Variants in CSGALNACT1 observed in about 807,000 individuals in gnomAD.
The protein encoded by CSGALNACT1 is beta4GalNAcT-1.
In CSGALNACT1, 52 loss-of-function variants were observed where a neutral mutation model predicts 51.0. The observed-to-expected ratio is 1.02, with a 90% CI of 0.82 to 1.29. The LOEUF (loss-of-function observed/expected upper bound fraction) is 1.29. CSGALNACT1 is among the 50% of genes most tolerant of loss of function. The pLI is 0.00. For missense variants in CSGALNACT1, 935 were observed against 679.2 expected (o/e 1.38, Z -4.19); for synonymous variants, 341 against 254.4 (o/e 1.34, Z -3.24).
At chr8:19,420,872 C>G (rs1438337914) in intron 6 of CSGALNACT1, among the ~76,000 whole-genome samples, 1 of 152,168 alleles carries the variant, frequency 6.6e-6, no homozygotes, top group Non-Finnish European at 1.5e-5. Flanking sequence ...GCATCCTGAG[C>G]CAACCGAATG....
chr8:19,406,972 G>A (rs536154071), intron 9 of CSGALNACT1, among the ~76,000 whole-genome samples: 3 of 152,324 alleles, frequency 2.0e-5, no homozygotes, highest in South Asian at 4.1e-4. Context: ...GCCTCCCAGA[G>A]TGCTGGGAAT....
chr8:19,657,012 G>A (rs932054451), intron 1 of CSGALNACT1, among the ~76,000 whole-genome samples: 20 of 147,574 alleles, frequency 1.4e-4, no homozygotes, highest in South Asian at 8.6e-4. Flanking sequence ...GCAGTGAGCC[G>A]AAATCATGCC....
chr8:19,583,139 A>T (rs2045932380), intron 3 of CSGALNACT1, among the ~76,000 whole-genome samples: 1 of 152,202 alleles, frequency 6.6e-6, no homozygotes, highest in Non-Finnish European at 1.5e-5. Context: ...ATATCCTCGT[A>T]TATTATGTAT....
At chr8:19,456,070 AT>A (rs1381602525) in intron 5 of CSGALNACT1, among the ~76,000 whole-genome samples, 1 of 152,220 alleles carries the variant, frequency 6.6e-6, no homozygotes, top group Non-Finnish European at 1.5e-5. Context: ...CTTTTAAAAC[AT>A]TAACTGGAAT....
chr8:19,708,195 A>G (rs962181203), intron 1 of CSGALNACT1, among the ~76,000 whole-genome samples: 13 of 152,172 alleles, frequency 8.5e-5, no homozygotes, highest in African/African-American at 3.1e-4. Flanking sequence ...TTTTATTTTG[A>G]CATTCTAATG....
chr8:19,704,783 C>T (rs1194199193), intron 1 of CSGALNACT1, among the ~76,000 whole-genome samples: 1 of 152,062 alleles, frequency 6.6e-6, no homozygotes, highest in African/African-American at 2.4e-5. Flanking sequence ...GAAAATCCTG[C>T]CATTTGTGAT....
chr8:19,455,058 G>A (rs1225492826), intron 5 of CSGALNACT1, among the ~76,000 whole-genome samples: 1 of 152,160 alleles, frequency 6.6e-6, no homozygotes, highest in Non-Finnish European at 1.5e-5. Context: ...GATATGCAAA[G>A]AAAATTGCCC....
At chr8:19,614,838 G>C (rs2052775246) in intron 1 of CSGALNACT1, among the ~76,000 whole-genome samples, 1 of 152,200 alleles carries the variant, frequency 6.6e-6, no homozygotes, top group South Asian at 2.1e-4. Context: ...TGCTGCCCTT[G>C]CTGGCCACTG....
chr8:19,470,262 G>GGC, intron 4 of CSGALNACT1, among the ~76,000 whole-genome samples: 1 of 152,268 alleles, frequency 6.6e-6, no homozygotes, highest in Admixed American at 6.5e-5. Flanking sequence ...AGGAGCTCAT[G>GGC]GCGCTAAGTC....
chr8:19,596,655 A>C (rs1269217626), intron 2 of CSGALNACT1, among the ~76,000 whole-genome samples: 1 of 152,082 alleles, frequency 6.6e-6, no homozygotes, highest in East Asian at 1.9e-4. Flanking sequence ...CTGTAAATAC[A>C]TTTTTTCATA....
At position 19,458,445 on chromosome 8, in the gene CSGALNACT1, G is replaced by C. The variant is rs376329108; in HGVS notation, c.832C>G (p.Gln278Glu). The C allele has an allele frequency of 4.0e-5, 64 of 1,614,018 alleles. No individual in the cohort carries two copies. The highest frequency in any genetic ancestry group is 4.7e-5 in the Non-Finnish European group (55 of 1,179,980). The change falls in exon 5 of 10, where the codon CAG becomes GAG. Residue 278 changes from glutamine to glutamate, a missense_variant. By Grantham distance (29) the Gln-to-Glu change is conservative. Coordinates refer to ENST00000454498, the Ensembl canonical transcript of CSGALNACT1. ...ACCAACCTGAAATTCTGCATGAACT[G>C]CCGGAACTTGTCCACCCTTTTTGCT... is the stretch of plus-strand genomic sequence containing the variant.
chr8:19,563,598 G>T (rs1236230485), intron 3 of CSGALNACT1, among the ~76,000 whole-genome samples: 1 of 152,168 alleles, frequency 6.6e-6, no homozygotes, highest in South Asian at 2.1e-4. Context: ...TCTTGAATAT[G>T]CCTGCTTCCT....
chr8:19,714,289 C>A (rs145243945), intron 1 of CSGALNACT1, among the ~76,000 whole-genome samples: 223 of 152,010 alleles, frequency 1.5e-3, no homozygotes, highest in African/African-American at 5.4e-3. Flanking sequence ...ATAATTTTGT[C>A]TTTCTCTTTT....
intron 1 of CSGALNACT1, among the ~76,000 whole-genome samples, chr8:19,693,358 C>A (rs1459657627): frequency 4.6e-5 from 7 of 152,086 alleles, no homozygotes; most frequent in Non-Finnish European, 1.0e-4. Context: ...CCTGTGGTAC[C>A]ACCATCCTCT....
At chr8:19,569,786 A>G (rs532649367) in intron 3 of CSGALNACT1, among the ~76,000 whole-genome samples, 10 of 152,226 alleles carry the variant, frequency 6.6e-5, no homozygotes, top group Non-Finnish European at 1.5e-4. Flanking sequence ...TTTATCCCTA[A>G]TAGTCCAAAA....
At chr8:19,640,573 C>T (rs1661058734) in intron 1 of CSGALNACT1, among the ~76,000 whole-genome samples, 1 of 152,172 alleles carries the variant, frequency 6.6e-6, no homozygotes, top group Non-Finnish European at 1.5e-5. Context: ...TTCTCCACTA[C>T]ATAAGAAAAT....
chr8:19,457,533 A>T lies in CSGALNACT1; in HGVS notation c.851+893T>A, dbSNP rs1265220377. 23 of 497,674 alleles carry T rather than the reference A, an allele frequency of 4.6e-5. No homozygotes were observed. The Admixed American group carries it at 5.5e-4, about 12-fold the overall frequency. The allele number at this position is 497,674 out of a possible 1,614,324, so 30.8% of individuals were successfully genotyped here. A position where few individuals can be genotyped will look rare whatever the true frequency, so the allele number is the denominator to read the frequency against. On this transcript the variant is annotated intron_variant, in intron 5 of 9. Transcript: ENST00000454498. ...GAAGCTGAGGCAGGAGAATTACCTG[A>T]ACCTGGGAGGTGAAGGTTGCAGTGA...
Position 19,510,588 on chromosome 8 carries a change from G to A in CSGALNACT1, c.-296-4458C>T, listed in dbSNP as rs187089473. 2.6e-5 allele frequency among the ~76,000 whole-genome samples: 4 copies of A among 152,052 alleles called. No individual in the cohort carries two copies. The South Asian group carries it at 6.2e-4, about 24-fold the overall frequency. ...TTTACTAGCTTGTAGAGGAACTAAC[G>A]TCCTTTCAAATAACTATAATCTGAG... is the stretch of plus-strand genomic sequence containing the variant. On this transcript the variant is annotated intron_variant, in intron 3 of 9. Transcript: ENST00000454498.
chr8:19,433,328 A>G (rs570409499), intron 6 of CSGALNACT1, among the ~76,000 whole-genome samples: 3 of 152,352 alleles, frequency 2.0e-5, no homozygotes, highest in Non-Finnish European at 2.9e-5. Context: ...AAGGTCAGCC[A>G]CAAGTGGGAG....
Sources: allele counts gnomAD v4.1 joint callset (sites outside exome capture counted in the v4.1 genomes callset), GRCh38; gene constraint gnomAD v4.1.1; transcripts MANE v1.5; gene names NCBI Gene and HGNC (gene_info 2026-07-23, HGNC 2026-07-21).